The following RARB variants were observed in gnomAD, a reference collection of about 807,000 sequenced individuals.
RARB encodes the protein HBV-activated protein.
Under a neutral mutation model 51.9 loss-of-function variants are expected in RARB, and 17 were observed. That is an observed-to-expected ratio of 0.33 (90% CI 0.22 to 0.49). The LOEUF (loss-of-function observed/expected upper bound fraction) is 0.49. RARB is among the 20% of genes least tolerant of loss of function. The pLI is 0.99. For synonymous variants in RARB, 215 were observed against 195.4 expected, an observed-to-expected ratio of 1.10 and a Z score of -0.84; for missense variants, 369 against 550.8, an observed-to-expected ratio of 0.67 and a Z score of 3.30.
intron 5 of RARB, among the ~76,000 whole-genome samples, chr3:25,278,524 T>C (rs1703448253): frequency 6.6e-6 from 1 of 152,170 alleles, no homozygotes; most frequent in East Asian, 1.9e-4. Flanking sequence ...TATACAGGGG[T>C]ACTGCCAAAT....
At chr3:24,927,750 C>T (rs779416761) in intron 2 of RARB, among the ~76,000 whole-genome samples, 2 of 152,064 alleles carry the variant, frequency 1.3e-5, no homozygotes, top group South Asian at 2.1e-4. Flanking sequence ...CTTGTTAAAG[C>T]GTATTTTTTA....
intron 5 of RARB, among the ~76,000 whole-genome samples, chr3:25,190,927 CAATT>C (rs1268989605): frequency 6.6e-6 from 1 of 151,924 alleles, no homozygotes; most frequent in East Asian, 1.9e-4. Context: ...AAGTCAGAGT[CAATT>C]AATTCCCTAA....
chr3:25,201,873 G>A (rs948621055), intron 5 of RARB, among the ~76,000 whole-genome samples: 5 of 148,956 alleles, frequency 3.4e-5, no homozygotes, highest in Admixed American at 3.3e-4. Context: ...GTTCATCAGG[G>A]ATATTGGTCT....
chr3:25,086,256 G>A (rs1699103146), intron 3 of RARB, among the ~76,000 whole-genome samples: 1 of 152,104 alleles, frequency 6.6e-6, no homozygotes, highest in Non-Finnish European at 1.5e-5. Context: ...ACGTGCAATG[G>A]GCCATCCATA....
At chr3:25,589,211 A>G (rs1233404108) in intron 5 of RARB, among the ~76,000 whole-genome samples, 3 of 152,200 alleles carry the variant, frequency 2.0e-5, no homozygotes, top group African/African-American at 7.2e-5. Flanking sequence ...TGTGAAGATC[A>G]GGGAAAAGCA....
intron 3 of RARB, among the ~76,000 whole-genome samples, chr3:25,079,356 A>G (rs1176231526): frequency 6.6e-6 from 1 of 152,160 alleles, no homozygotes. Flanking sequence ...ACTGAATGCT[A>G]ATTCTTTTTC....
chr3:24,929,239 A>G (rs1695390774), intron 2 of RARB, among the ~76,000 whole-genome samples: 1 of 152,098 alleles, frequency 6.6e-6, no homozygotes, highest in African/African-American at 2.4e-5. Context: ...ACCTCCTAGG[A>G]GATGAACCCA....
At chr3:24,999,136 C>T (rs1697105215) in intron 2 of RARB, among the ~76,000 whole-genome samples, 1 of 152,064 alleles carries the variant, frequency 6.6e-6, no homozygotes, top group South Asian at 2.1e-4. Context: ...GATAAACAGG[C>T]ACCAATTTCA....
intron 3 of RARB, among the ~76,000 whole-genome samples, chr3:25,514,975 C>T (rs1382956214): frequency 6.6e-6 from 1 of 152,144 alleles, no homozygotes; most frequent in Non-Finnish European, 1.5e-5. Flanking sequence ...TGCAAATATG[C>T]AGTCTCAGAA....
At chr3:25,206,306 C>A (rs140638056) in intron 5 of RARB, among the ~76,000 whole-genome samples, 1 of 152,060 alleles carries the variant, frequency 6.6e-6, no homozygotes, top group Non-Finnish European at 1.5e-5. Context: ...TAAGGCATTG[C>A]CAAGTGAAAT....
intron 5 of RARB, among the ~76,000 whole-genome samples, chr3:25,357,064 G>T (rs1386300389): frequency 6.6e-6 from 1 of 152,126 alleles, no homozygotes; most frequent in Non-Finnish European, 1.5e-5. Context: ...GGTATTTCTA[G>T]TTCTAGATCC....
intron 5 of RARB, among the ~76,000 whole-genome samples, chr3:25,416,331 G>A (rs1017676869): frequency 5.9e-5 from 9 of 152,342 alleles, no homozygotes; most frequent in Admixed American, 3.9e-4. Context: ...TGAGGCTGTA[G>A]AGAGCCAAGA....
intron 3 of RARB, among the ~76,000 whole-genome samples, chr3:25,087,553 T>C (rs1157057191): frequency 2.0e-5 from 3 of 152,208 alleles, no homozygotes; most frequent in East Asian, 1.9e-4. Flanking sequence ...GGCAAGATAA[T>C]AGTAAATACC....
intron 2 of RARB, among the ~76,000 whole-genome samples, chr3:24,954,379 A>C (rs1695964215): frequency 6.6e-6 from 1 of 152,220 alleles, no homozygotes; most frequent in Non-Finnish European, 1.5e-5. Flanking sequence ...CTGCAGTGCA[A>C]GCTGACAGCC....
In RARB at chr3:25,190,768, G is replaced by A. The variant is rs189240582; in HGVS notation, c.178+16193G>A. Among the ~76,000 whole-genome samples the A allele has an allele frequency of 2.9e-3, 444 of 152,130 alleles. 4 individuals are homozygous for A. Among genetic ancestry groups the A allele is most frequent in the African/African-American group, 9.8e-3 (409 of 41,538 alleles). On this transcript the variant is annotated intron_variant, in intron 5 of 11. Coordinates refer to the RARB transcript ENST00000383772. ...CTTTGTCCTTGGCTACTTATGTCGC[G>A]TGCTGCTTAGAATGAGTTCACATCA...
intron 2 of RARB, among the ~76,000 whole-genome samples, chr3:24,897,471 T>C (rs1363059767): frequency 6.6e-6 from 1 of 152,174 alleles, no homozygotes; most frequent in Non-Finnish European, 1.5e-5. Flanking sequence ...TAATAAAAAT[T>C]TCATCACTTT....
At chr3:25,556,869 T>G (rs1438275927) in intron 3 of RARB, among the ~76,000 whole-genome samples, 1 of 152,186 alleles carries the variant, frequency 6.6e-6, no homozygotes, top group African/African-American at 2.4e-5. Flanking sequence ...AACTGGTCTG[T>G]GACAGTTGGC....
chr3:25,094,633 C>G (rs116301948), intron 3 of RARB, among the ~76,000 whole-genome samples: 32 of 133,982 alleles, frequency 2.4e-4, no homozygotes, highest in African/African-American at 8.3e-4. Flanking sequence ...GAGAGGATGG[C>G]TTGAGCCCAG....
At chr3:25,496,760 C>A (rs1178193726) in intron 2 of RARB, among the ~76,000 whole-genome samples, 1 of 152,176 alleles carries the variant, frequency 6.6e-6, no homozygotes, top group East Asian at 1.9e-4. Context: ...GCTTCCTGGC[C>A]AAGTGACCTC....
Sources: allele counts gnomAD v4.1 joint callset (sites outside exome capture counted in the v4.1 genomes callset), GRCh38; gene constraint gnomAD v4.1.1; transcripts MANE v1.5; gene names NCBI Gene and HGNC (gene_info 2026-07-23, HGNC 2026-07-21).